Variants in RPS6KC1 observed in about 807,000 individuals in gnomAD.
RPS6KC1 encodes ribosomal protein S6 kinase C1.
RPS6KC1 carries 54 observed loss-of-function variants against 103.8 expected under a neutral mutation model. That is an observed-to-expected ratio of 0.52 (90% confidence interval 0.42 to 0.65). RPS6KC1 has a LOEUF of 0.65. RPS6KC1 is among the 30% of genes least tolerant of loss of function. RPS6KC1 has a pLI of 0.00. For missense variants in RPS6KC1, 1,151 were observed against 1,253.8 expected, an observed-to-expected ratio of 0.92 and a Z score of 1.24; for synonymous variants, 439 against 438.7, an observed-to-expected ratio of 1.00 and a Z score of -0.01.
intron 12 of RPS6KC1, among the ~76,000 whole-genome samples, chr1:213,247,541 A>G (rs770019822): frequency 6.6e-6 from 1 of 152,216 alleles, no homozygotes; most frequent in Admixed American, 6.5e-5. Flanking sequence ...CCATGGATGG[A>G]GTTTAAAATA....
At chr1:213,842,837 T>A in the RPS6KC1 span, among the ~76,000 whole-genome samples, 1 of 152,242 alleles carries the variant, frequency 6.6e-6, no homozygotes, top group East Asian at 1.9e-4. Context: ...AGGGGCCAAG[T>A]GGTTAAAAGA....
intron 8 of RPS6KC1, among the ~76,000 whole-genome samples, chr1:213,229,606 T>C (rs1002623743): frequency 2.0e-5 from 3 of 152,186 alleles, no homozygotes; most frequent in African/African-American, 7.2e-5. Flanking sequence ...TTTGCTACAG[T>C]AGTTTTTCCA....
intron 8 of RPS6KC1, among the ~76,000 whole-genome samples, chr1:213,220,596 A>C (rs1023828984): frequency 4.6e-5 from 7 of 152,210 alleles, no homozygotes; most frequent in Non-Finnish European, 1.5e-5. Context: ...AAGTGCTGGG[A>C]TTGCAGATGT....
At chr1:213,552,181 G>A in the RPS6KC1 span, among the ~76,000 whole-genome samples, 43 of 152,322 alleles carry the variant, frequency 2.8e-4, no homozygotes, top group East Asian at 7.5e-3. Flanking sequence ...AGGTTTCTGT[G>A]TGGACACAAG....
At chr1:213,053,836 A>ATT (rs756027243) in intron 1 of RPS6KC1, among the ~76,000 whole-genome samples, 4 of 144,028 alleles carry the variant, frequency 2.8e-5, no homozygotes, top group African/African-American at 7.6e-5. Context: ...CAAATTCAGA[A>ATT]TTTTTTTTTT....
At chr1:213,375,164 T>A in the RPS6KC1 span, among the ~76,000 whole-genome samples, 1 of 150,442 alleles carries the variant, frequency 6.6e-6, no homozygotes, top group African/African-American at 2.5e-5. Flanking sequence ...TATACACGCA[T>A]ACACACATAC....
chr1:213,161,537 T>G (rs2090474571), intron 6 of RPS6KC1, among the ~76,000 whole-genome samples: 1 of 152,156 alleles, frequency 6.6e-6, no homozygotes, highest in Non-Finnish European at 1.5e-5. Flanking sequence ...GCCAGGCTGG[T>G]CTTGAATTCC....
At chr1:213,742,482 C>T in the RPS6KC1 span, among the ~76,000 whole-genome samples, 4 of 152,322 alleles carry the variant, frequency 2.6e-5, no homozygotes, top group Non-Finnish European at 4.4e-5. Context: ...GACGGGGGAA[C>T]ATTTTAGCTG....
At chr1:213,378,925 G>A in the RPS6KC1 span, among the ~76,000 whole-genome samples, 1 of 152,146 alleles carries the variant, frequency 6.6e-6, no homozygotes, top group African/African-American at 2.4e-5. Flanking sequence ...CCTAGGCCAG[G>A]CTACCCTAGA....
chr1:213,174,398 G>T (rs955686073), intron 7 of RPS6KC1, among the ~76,000 whole-genome samples: 1 of 152,162 alleles, frequency 6.6e-6, no homozygotes, highest in African/African-American at 2.4e-5. Flanking sequence ...GGCCGGGTGT[G>T]CTGGCTTATG....
chr1:213,667,611 T>C, the RPS6KC1 span, among the ~76,000 whole-genome samples: 1 of 152,220 alleles, frequency 6.6e-6, no homozygotes, highest in African/African-American at 2.4e-5. Context: ...AGGGTGGCTG[T>C]AGCAATTTCT....
the RPS6KC1 span, among the ~76,000 whole-genome samples, chr1:213,329,203 G>A: frequency 2.6e-5 from 4 of 152,266 alleles, no homozygotes; most frequent in South Asian, 4.1e-4. Flanking sequence ...CCTTTGGAAC[G>A]ACTCCTTTCT....
chr1:213,311,986 C>G, the RPS6KC1 span, among the ~76,000 whole-genome samples: 1 of 151,530 alleles, frequency 6.6e-6, no homozygotes, highest in South Asian at 2.1e-4. Flanking sequence ...CAACCTCCAC[C>G]TCCTGGGTTC....
At chr1:213,566,759 C>T in the RPS6KC1 span, among the ~76,000 whole-genome samples, 1 of 151,550 alleles carries the variant, frequency 6.6e-6, no homozygotes, top group East Asian at 1.9e-4. Context: ...TCTAGAAATT[C>T]TCTTTAATTC....
the RPS6KC1 span, among the ~76,000 whole-genome samples, chr1:213,428,480 C>CCCTTCCTTCCTTCCTTCCTT: frequency 2.1e-3 from 61 of 28,468 alleles, no homozygotes; most frequent in African/African-American, 7.7e-3. Context: ...CTCCCTCCCT[C>CCCTTCCTTCCTTCCTTCCTT]CCTTCCTTCC....
At chr1:213,616,713 G>A in the RPS6KC1 span, among the ~76,000 whole-genome samples, 58 of 152,244 alleles carry the variant, frequency 3.8e-4, no homozygotes, top group Non-Finnish European at 7.1e-4. Context: ...CACACAACAG[G>A]TATACATACT....
the RPS6KC1 span, among the ~76,000 whole-genome samples, chr1:213,667,559 T>C: frequency 6.6e-6 from 1 of 152,252 alleles, no homozygotes; most frequent in Admixed American, 6.5e-5. Flanking sequence ...TGCCTTGACG[T>C]TGATGGTTGT....
intron 3 of RPS6KC1, among the ~76,000 whole-genome samples, chr1:213,084,262 T>C (rs745812392): frequency 2.0e-4 from 30 of 152,062 alleles, no homozygotes; most frequent in Non-Finnish European, 4.1e-4. Flanking sequence ...TTCTTAACTT[T>C]TCTTTCTTTC....
At chr1:213,796,303 T>C in the RPS6KC1 span, among the ~76,000 whole-genome samples, 2,158 of 152,312 alleles carry the variant, frequency 0.014, 21 homozygotes, top group Non-Finnish European at 0.023. Flanking sequence ...TTACAGTCAA[T>C]GGGAGAACAA....
Sources: allele counts gnomAD v4.1 joint callset (sites outside exome capture counted in the v4.1 genomes callset), GRCh38; gene constraint gnomAD v4.1.1; transcripts MANE v1.5; gene names NCBI Gene and HGNC (gene_info 2026-07-23, HGNC 2026-07-21).